DST: variants seen among roughly 807,000 people sequenced by gnomAD.
DST encodes the protein dystonin.
Under a neutral mutation model 875.2 loss-of-function variants are expected in DST, and 253 were observed. The ratio of observed to expected loss-of-function variants is 0.29; its 90% CI spans 0.26 to 0.32. The LOEUF (loss-of-function observed/expected upper bound fraction) is 0.32, where lower values mean the gene tolerates loss of function less well. Ranked by LOEUF, DST falls within the 10% of genes least tolerant of loss-of-function variation. The pLI is 1.00. For synonymous variants in DST, 3,124 were observed against 3,197.1 expected, an observed-to-expected ratio of 0.98 and a Z score of 0.77; for missense variants, 8,287 against 9,111.6, an observed-to-expected ratio of 0.91 and a Z score of 3.68.
chr6:56,526,815 T>G (rs889621355), intron 68 of DST, among the ~76,000 whole-genome samples: 3 of 152,214 alleles, frequency 2.0e-5, no homozygotes, highest in Non-Finnish European at 2.9e-5. Flanking sequence ...TCTTTGAAAT[T>G]TAATATAAAT....
At chr6:56,807,787 G>A (rs540212917) in intron 4 of DST, among the ~76,000 whole-genome samples, 102 of 152,284 alleles carry the variant, frequency 6.7e-4, no homozygotes, top group African/African-American at 2.4e-3. Context: ...AGAAAAAAAT[G>A]TAGCTGCATA....
At chr6:56,486,301 C>T (rs747208922) in intron 87 of DST, among the ~76,000 whole-genome samples, 1 of 140,780 alleles carries the variant, frequency 7.1e-6, no homozygotes, top group African/African-American at 2.7e-5. Context: ...AGGCAGAGCT[C>T]GCAGTGAGCC....
intron 10 of DST, among the ~76,000 whole-genome samples, chr6:56,666,224 G>A (rs970500126): frequency 2.0e-5 from 3 of 151,952 alleles, no homozygotes; most frequent in Non-Finnish European, 4.4e-5. Flanking sequence ...ATTCTATATG[G>A]AAACACTAAT....
intron 72 of DST, among the ~76,000 whole-genome samples, chr6:56,512,681 A>C (rs1363841260): frequency 1.3e-5 from 2 of 152,200 alleles, no homozygotes; most frequent in Non-Finnish European, 2.9e-5. Context: ...ATTTTTATTG[A>C]AAGTGTCTAC....
intron 4 of DST, among the ~76,000 whole-genome samples, chr6:56,782,245 G>C (rs1050812471): frequency 1.3e-5 from 2 of 152,208 alleles, no homozygotes; most frequent in African/African-American, 4.8e-5. Context: ...CACAAAATGA[G>C]TGAGGGAGGA....
chr6:56,669,866 A>G (rs1464610384), intron 10 of DST, among the ~76,000 whole-genome samples: 1 of 152,160 alleles, frequency 6.6e-6, no homozygotes, highest in African/African-American at 2.4e-5. Context: ...GCACTTAGTA[A>G]GTGCTATGTA....
chr6:56,721,678 A>G (rs1253478533), intron 5 of DST, among the ~76,000 whole-genome samples: 3 of 152,230 alleles, frequency 2.0e-5, no homozygotes, highest in Non-Finnish European at 2.9e-5. Flanking sequence ...CCATTTTGTT[A>G]AATAAATCAA....
At chr6:56,668,927 A>G in intron 10 of DST, among the ~76,000 whole-genome samples, 1 of 151,994 alleles carries the variant, frequency 6.6e-6, no homozygotes, top group East Asian at 1.9e-4. Context: ...AAGAAAGAGG[A>G]AAGAGAGGAA....
Position 56,482,795 on chromosome 6 carries a change from C to T in DST, c.21290G>A (p.Arg7097Gln), listed in dbSNP as rs372651269. Residue 7097 changes from arginine to glutamine, a missense_variant, in exon 89 of 104, where the codon CGG (arginine) becomes CAG (glutamine). Coordinates refer to ENST00000680361, the MANE Select transcript of DST (RefSeq NM_001374736.1). Reference protein sequence around the residue: ...RSARELIEGSRDDSSWVKVQM... With the variant: ...RSARELIEGSQDDSSWVKVQM... ...GACCTTGACCCAGGAGGAGTCATCC[C>T]GACTGCCTTCTATGAGTTCTCGGGC... The T allele has an allele frequency of 2.1e-5, 34 of 1,613,624 alleles. No individual in the cohort carries two copies. Among genetic ancestry groups the T allele is most frequent in the African/African-American group, 5.3e-5 (4 of 74,898 alleles).
intron 79 of DST, 138 bp downstream of exon 79, chr6:56,501,382 T>G: frequency 8.8e-6 from 10 of 1,136,120 alleles, no homozygotes; most frequent in Non-Finnish European, 1.2e-5. Flanking sequence ...CTTCTATGTT[T>G]TAAGTTTGAC....
chr6:56,709,300 G>C (rs2099353277), intron 5 of DST, among the ~76,000 whole-genome samples: 1 of 152,204 alleles, frequency 6.6e-6, no homozygotes, highest in Non-Finnish European at 1.5e-5. Context: ...TGCTGGCGAT[G>C]ACATGGACAA....
intron 53 of DST, among the ~76,000 whole-genome samples, chr6:56,570,366 C>T (rs900530884): frequency 6.6e-6 from 1 of 152,032 alleles, no homozygotes; most frequent in Admixed American, 6.6e-5. Flanking sequence ...TCAATGGGAG[C>T]CTGAGCTTGT....
chr6:56,567,770 T>G (rs2097706495), intron 55 of DST, among the ~76,000 whole-genome samples: 1 of 151,906 alleles, frequency 6.6e-6, no homozygotes, highest in African/African-American at 2.4e-5. Flanking sequence ...TACTCAGAAC[T>G]CTCAGAAAAA....
chr6:56,632,746 T>C (rs975085494), intron 28 of DST, 108 bp downstream of exon 28: 8 of 869,182 alleles, frequency 9.2e-6, no homozygotes, highest in African/African-American at 6.7e-5. Context: ...CTACATATCA[T>C]AGGCTGGGTG....
chr6:56,872,458 G>T (rs189401041), intron 3 of DST, among the ~76,000 whole-genome samples: 31 of 152,196 alleles, frequency 2.0e-4, no homozygotes, highest in African/African-American at 7.2e-4. Context: ...GGAGTTTGAG[G>T]CTGCAGTGAG....
Position 56,602,957 on chromosome 6 carries a change from G to A in DST, c.11232C>T (p.Ser3744=). 17 of 1,595,008 alleles carry A rather than the reference G, an allele frequency of 1.1e-5. No homozygotes were observed. The highest frequency in any genetic ancestry group is 1.4e-5 in the Non-Finnish European group (16 of 1,174,512). Residue 3744 remains serine, a synonymous_variant, in exon 43 of 104, where the codon AGC becomes AGT. Coordinates refer to ENST00000680361, the MANE Select transcript of DST (RefSeq NM_001374736.1). The part of the protein sequence containing the change: ...KSFSDWVSEK[S]KSVKDIEIVN... ...CAATCTCAATATCCTTCACAGATTTGCTCTTCTCTGATACCCAATCTGAGA... is the reference window on the plus strand; with the variant it reads ...CAATCTCAATATCCTTCACAGATTTACTCTTCTCTGATACCCAATCTGAGA...
chr6:56,683,691 C>T (rs538354874), intron 9 of DST, among the ~76,000 whole-genome samples: 4 of 152,326 alleles, frequency 2.6e-5, no homozygotes, highest in South Asian at 2.1e-4. Flanking sequence ...CAGAAACACA[C>T]GTCTCCTGCT....
chr6:56,514,955 G>T (rs1322147619), intron 72 of DST, among the ~76,000 whole-genome samples: 1 of 152,014 alleles, frequency 6.6e-6, no homozygotes, highest in Non-Finnish European at 1.5e-5. Context: ...AAAATAATCT[G>T]TCTTTATACT....
At chr6:56,600,362 G>A (rs1014811334) in intron 44 of DST, 141 bp from the exon 45 acceptor site, 16 of 723,636 alleles carry the variant, frequency 2.2e-5, no homozygotes, top group African/African-American at 1.1e-4. Flanking sequence ...TAGCAGTAGG[G>A]TACAAACTGA....
Sources: gnomAD v4.1 joint callset for allele counts (sites outside exome capture counted in the v4.1 genomes callset) on GRCh38, gnomAD v4.1.1 for gene constraint, MANE v1.5 for transcripts, NCBI Gene and HGNC (gene_info 2026-07-23, HGNC 2026-07-21) for gene names.